MNS1: variants seen among roughly 807,000 people sequenced by gnomAD.
MNS1 encodes the protein meiosis-specific nuclear structural protein 1.
MNS1 carries 63 observed loss-of-function variants against 72.0 expected under a neutral mutation model. The observed-to-expected ratio is 0.87, with a 90% CI of 0.71 to 1.08. The LOEUF (loss-of-function observed/expected upper bound fraction) is 1.08. MNS1 is among the 50% of genes least tolerant of loss of function. MNS1 has a pLI of 0.00. For synonymous variants in MNS1, 188 were observed against 172.1 expected (o/e 1.09, Z -0.72); for missense variants, 604 against 562.4 (o/e 1.07, Z -0.75).
At chr15:56,429,931 ATAATT>A (rs2050527407) in intron 9 of MNS1, 1 of 152,188 alleles carries the variant, frequency 6.6e-6, no homozygotes, top group South Asian at 2.1e-4. Flanking sequence ...CCTACAATTT[ATAATT>A]TAGTTTATGA....
intron 2 of MNS1, among the ~76,000 whole-genome samples, chr15:56,462,451 A>C (rs1003638767): frequency 6.6e-6 from 1 of 152,202 alleles, no homozygotes; most frequent in Non-Finnish European, 1.5e-5. Flanking sequence ...TTGCCAAAAA[A>C]GGTGGACCGC....
chr15:56,439,079 T>C (rs1261884140), intron 7 of MNS1, among the ~76,000 whole-genome samples: 3 of 152,080 alleles, frequency 2.0e-5, no homozygotes, highest in Non-Finnish European at 4.4e-5. Context: ...AGCTAACAAG[T>C]GAATTCAGCA....
intron 2 of MNS1, among the ~76,000 whole-genome samples, chr15:56,458,498 A>G (rs1190126630): frequency 6.6e-6 from 1 of 152,148 alleles, no homozygotes; most frequent in Admixed American, 6.5e-5. Context: ...GTTTACATTA[A>G]GGTTCATTCT....
chr15:56,446,154 G>A (rs1263070511), intron 4 of MNS1, among the ~76,000 whole-genome samples: 8 of 151,936 alleles, frequency 5.3e-5, no homozygotes, highest in Non-Finnish European at 1.0e-4. Flanking sequence ...GTGTGTGTGT[G>A]TACATATGTT....
chr15:56,437,323 A>T (rs1329296268), intron 7 of MNS1, among the ~76,000 whole-genome samples: 1 of 152,216 alleles, frequency 6.6e-6, no homozygotes, highest in African/African-American at 2.4e-5. Flanking sequence ...ACACAAATCA[A>T]TAAATGTAAT....
chr15:56,460,009 A>AAAAAAT lies in MNS1; in HGVS notation c.226-3489_226-3488insATTTTT. On this transcript the variant is annotated intron_variant, in intron 2 of 9. Coordinates refer to ENST00000260453, the MANE Select transcript of MNS1 (RefSeq NM_018365.4). ...CTGTCTCAAAAAAAAAAAAAAAAAAAATACATATATATATATATATATATA... is the reference window on the plus strand; with the variant it reads ...CTGTCTCAAAAAAAAAAAAAAAAAAAAAAAATATACATATATATATATATATATATA... Among the ~76,000 whole-genome samples, 22 of 26,380 alleles carry AAAAAAT rather than the reference A, an allele frequency of 8.3e-4. 5 individuals are homozygous for AAAAAAT. Among genetic ancestry groups the AAAAAAT allele is most frequent in the African/African-American group, 2.6e-3 (17 of 6,650 alleles). The allele number at this position is 26,380 out of a possible 152,430, so 17.3% of individuals were successfully genotyped here. A position where few individuals can be genotyped will look rare whatever the true frequency, so the allele number is the denominator to read the frequency against.
chr15:56,459,630 C>A (rs901970541), intron 2 of MNS1, among the ~76,000 whole-genome samples: 3 of 151,940 alleles, frequency 2.0e-5, no homozygotes, highest in Admixed American at 6.6e-5. Flanking sequence ...TTGTCAAGGT[C>A]ATGAAAGACA....
chr15:56,433,088 C>T (rs74015426), intron 8 of MNS1, among the ~76,000 whole-genome samples: 2,875 of 152,252 alleles, frequency 0.019, 101 homozygotes, highest in African/African-American at 0.066. Context: ...TAATCTTCCC[C>T]TGGGCCACCA....
chr15:56,443,843 TG>T lies in MNS1; in HGVS notation c.697del (p.Gln233LysfsTer3). 1 of 1,598,870 alleles carries T rather than the reference TG, an allele frequency of 6.3e-7. No individual in the cohort carries two copies. Among genetic ancestry groups the T allele is most frequent in the Non-Finnish European group, 8.5e-7 (1 of 1,175,284 alleles). On this transcript the variant is annotated frameshift_variant, in exon 6 of 10. Transcript: ENST00000260453. LOFTEE classifies it high-confidence loss of function. ...IYEEDQLEKQ[Q>X]KLEKMNAMRR... ...CATTGCATTCATTTTTTCTAACTTT[TG>T]TTGTTTTTCCCTGAAAAGCAATAAC...
chr15:56,458,536 C>T (rs1300762260), intron 2 of MNS1, among the ~76,000 whole-genome samples: 2 of 152,076 alleles, frequency 1.3e-5, no homozygotes, highest in Admixed American at 6.6e-5. Flanking sequence ...TGGGTTTTGG[C>T]AATGCATAAT....
At chr15:56,431,038 G>A (rs1481370833) in intron 9 of MNS1, among the ~76,000 whole-genome samples, 1 of 152,168 alleles carries the variant, frequency 6.6e-6, no homozygotes, top group Admixed American at 6.5e-5. Context: ...GCAAACGCCT[G>A]TAATCCCAGC....
intron 7 of MNS1, among the ~76,000 whole-genome samples, chr15:56,437,906 A>G (rs1270017496): frequency 1.3e-5 from 2 of 152,166 alleles, no homozygotes; most frequent in African/African-American, 4.8e-5. Flanking sequence ...TCCAACTTAC[A>G]AGGGATGTGA....
intron 9 of MNS1, among the ~76,000 whole-genome samples, chr15:56,430,622 T>C (rs908163504): frequency 6.6e-6 from 1 of 152,252 alleles, no homozygotes; most frequent in Non-Finnish European, 1.5e-5. Context: ...AGAGCAGATC[T>C]GTCTCAAGCT....
At chr15:56,431,873 A>G (rs1271612326) in intron 8 of MNS1, among the ~76,000 whole-genome samples, 1 of 151,978 alleles carries the variant, frequency 6.6e-6, no homozygotes, top group Admixed American at 6.6e-5. Context: ...TGAATAAAGA[A>G]GATCAGAAAT....
intron 3 of MNS1, among the ~76,000 whole-genome samples, chr15:56,452,605 G>A (rs2050955124): frequency 1.3e-5 from 2 of 150,366 alleles, no homozygotes; most frequent in Admixed American, 6.7e-5. Flanking sequence ...TGCAAGCTCC[G>A]CCTCCCAGGT....
At chr15:56,461,136 G>A (rs181511057) in intron 2 of MNS1, among the ~76,000 whole-genome samples, 6 of 151,944 alleles carry the variant, frequency 3.9e-5, no homozygotes, top group African/African-American at 1.5e-4. Flanking sequence ...TCAACTGATC[G>A]GATGAGGCCC....
At chr15:56,459,582 T>G (rs2051003454) in intron 2 of MNS1, among the ~76,000 whole-genome samples, 1 of 152,166 alleles carries the variant, frequency 6.6e-6, no homozygotes, top group Admixed American at 6.5e-5. Flanking sequence ...ACTTAGCAAT[T>G]GAAAACTACT....
intron 1 of MNS1, among the ~76,000 whole-genome samples, 160 bp from the exon 2 acceptor site, chr15:56,464,407 G>T (rs968896977): frequency 6.6e-6 from 1 of 152,126 alleles, no homozygotes; most frequent in Admixed American, 6.6e-5. Context: ...TGGTAAATAT[G>T]TTCACATATC....
chr15:56,439,510 G>A (rs2050783526), intron 7 of MNS1, among the ~76,000 whole-genome samples: 1 of 151,900 alleles, frequency 6.6e-6, no homozygotes, highest in Non-Finnish European at 1.5e-5. Flanking sequence ...TATTGGTGGA[G>A]GGATGGATAC....
Sources: gnomAD v4.1 joint callset for allele counts (sites outside exome capture counted in the v4.1 genomes callset) on GRCh38, gnomAD v4.1.1 for gene constraint, MANE v1.5 for transcripts, NCBI Gene and HGNC (gene_info 2026-07-23, HGNC 2026-07-21) for gene names.